The following DIP2A variants were observed in gnomAD, a reference collection of about 807,000 sequenced individuals.
The protein encoded by DIP2A is disco-interacting protein 2 homolog A.
A neutral mutation model predicts 177.4 loss-of-function variants in DIP2A; 85 were observed. That is an observed-to-expected ratio of 0.48 (90% CI 0.40 to 0.57). The LOEUF (loss-of-function observed/expected upper bound fraction) is 0.57, where lower values mean the gene tolerates loss of function less well. Ranked by LOEUF, DIP2A falls within the 20% of genes least tolerant of loss-of-function variation. The pLI is 0.00. For missense variants in DIP2A, 1,791 were observed against 2,100.2 expected, an observed-to-expected ratio of 0.85 and a Z score of 2.88; for synonymous variants, 886 against 881.8, an observed-to-expected ratio of 1.00 and a Z score of -0.08.
At chr21:46,560,953 G>C (rs1383181842) in intron 33 of DIP2A, 170 bp downstream of exon 33, 41 of 985,234 alleles carry the variant, frequency 4.2e-5, no homozygotes, top group Non-Finnish European at 4.7e-5. Context: ...TGGCTACATT[G>C]GGCCATCTGC....
rs756599735 is a variant in DIP2A, at chr21:46,498,830, A to G, written c.652A>G (p.Ile218Val). The change falls in exon 5 of 38, where the codon ATA becomes GTA. Residue 218 changes from isoleucine to valine, a missense_variant. Coordinates refer to ENST00000417564, the MANE Select transcript of DIP2A (RefSeq NM_015151.4). This position sits in a 1 kb window ranked among gnomAD's most constrained non-coding sequence, Gnocchi z 4.3. ...CGCAGGCCTCGAGGCCCACACCCAC[A>G]TAGGTCAGTAATAAGCTGCTGCGGC... Reference protein sequence around the residue: ...ALAGLEAHTHIDLHSAPPDVT... With the variant: ...ALAGLEAHTHVDLHSAPPDVT... 5.6e-6 allele frequency: 9 copies of G among 1,612,356 alleles called. No homozygotes were observed. Among genetic ancestry groups the G allele is most frequent in the African/African-American group, 2.7e-5 (2 of 74,892 alleles).
chr21:46,565,186 C>T (rs773768353), intron 35 of DIP2A, among the ~76,000 whole-genome samples: 2 of 149,450 alleles, frequency 1.3e-5, no homozygotes, highest in Non-Finnish European at 3.0e-5. Flanking sequence ...TGAGGGTGCA[C>T]ACAAACACGT....
At chr21:46,550,516 G>A in intron 22 of DIP2A, 27 bp from the exon 23 acceptor site, 1 of 1,599,764 alleles carries the variant, frequency 6.3e-7, no homozygotes, top group Non-Finnish European at 8.5e-7. Flanking sequence ...TTGGGGGCCT[G>A]TGCCAAACAG....
rs1217679892 is a variant in DIP2A, at chr21:46,557,001, C to T, written c.3561C>T (p.Pro1187=). The change falls in exon 30 of 38, where the codon CCC becomes CCT. Residue 1187 remains proline, a synonymous_variant. Coordinates refer to ENST00000417564, the MANE Select transcript of DIP2A (RefSeq NM_015151.4). This position sits in a 1 kb window ranked among gnomAD's most constrained non-coding sequence, Gnocchi z 6.0. ...RSIKLQCELY[P]SRQIAICLDP... is the part of the protein sequence containing the mutation. ...TAAAGCTGCAGTGTGAGCTGTACCC[C>T]TCGCGGCAGATCGCCATCTGCCTCG... 1.2e-6 allele frequency: 2 copies of T among 1,601,566 alleles called. No individual in the cohort carries two copies. The highest frequency in any genetic ancestry group is 8.5e-7 in the Non-Finnish European group (1 of 1,173,998).
chr21:46,475,386 A>G (rs1229299184), intron 1 of DIP2A, among the ~76,000 whole-genome samples: 1 of 152,236 alleles, frequency 6.6e-6, no homozygotes, highest in African/African-American at 2.4e-5. Flanking sequence ...TGACATTGTT[A>G]TCTACCTGTA....
At chr21:46,546,893 T>TGACGCACACCC (rs1284655097) in intron 20 of DIP2A, 22 bp from the exon 21 acceptor site, 1 of 1,612,894 alleles carries the variant, frequency 6.2e-7, no homozygotes, top group East Asian at 2.2e-5. Flanking sequence ...GGTGGAGTCT[T>TGACGCACACCC]GACGCACACC....
chr21:46,474,557 T>G lies in DIP2A; in HGVS notation c.92-10200T>G, dbSNP rs546953134. Among the ~76,000 whole-genome samples, 3 of 152,272 alleles carry G rather than the reference T, an allele frequency of 2.0e-5. No individual in the cohort carries two copies. In the South Asian group the frequency reaches 6.2e-4, roughly 32 times the overall value. On this transcript the variant is annotated intron_variant, in intron 1 of 37. Coordinates refer to ENST00000417564, the MANE Select transcript of DIP2A (RefSeq NM_015151.4). ...AAATGTGTGTGGAGGATTTTCTGGG[T>G]CAGTATTCATGACCAATCATCAGGC...
chr21:46,497,151 C>T (rs781230100), intron 4 of DIP2A, 44 bp downstream of exon 4: 1 of 1,596,254 alleles, frequency 6.3e-7, no homozygotes, highest in East Asian at 2.2e-5. Flanking sequence ...TTGAGTGTTT[C>T]ACAGGCCTGA....
chr21:46,534,501 T>G, intron 12 of DIP2A, 84 bp from the exon 13 acceptor site: 1 of 1,332,258 alleles, frequency 7.5e-7, no homozygotes. Context: ...CCACTTCTTC[T>G]TTTGAAGATT....
intron 1 of DIP2A, chr21:46,469,382 G>C (rs2055152577): frequency 6.6e-6 from 1 of 152,242 alleles, no homozygotes; most frequent in Admixed American, 6.5e-5. Flanking sequence ...GGGAGCTGTT[G>C]AATCAGAGTG....
At chr21:46,528,000 A>T (rs914754318) in intron 8 of DIP2A, among the ~76,000 whole-genome samples, 1 of 152,042 alleles carries the variant, frequency 6.6e-6, no homozygotes, top group African/African-American at 2.4e-5. Context: ...TTGAGTGCTT[A>T]TGAGCATAGC....
chr21:46,555,905 C>T (rs2060451796), intron 28 of DIP2A, 77 bp from the exon 29 acceptor site: 2 of 1,096,228 alleles, frequency 1.8e-6, no homozygotes, highest in Middle Eastern at 2.0e-4. Flanking sequence ...TCATGTGTCG[C>T]CTCTTGCCTG....
In DIP2A at chr21:46,556,342, T is replaced by A. The variant is rs1301129500; in HGVS notation, c.3498+251T>A. On this transcript the variant is annotated intron_variant, in intron 29 of 37. Transcript: ENST00000417564. The surrounding 1 kb of genome is among the most constrained non-coding windows in gnomAD (Gnocchi z 4.5). The stretch of plus-strand genomic sequence containing the variant: ...TTATGACTGTCTAGCTTACAGGAAC[T>A]GGTGGCTTTGAAGAATCTCTTACCT... 6.9e-7 allele frequency: 1 copy of A among 1,445,992 alleles called. No individual in the cohort carries two copies. The highest frequency in any genetic ancestry group is 9.3e-7 in the Non-Finnish European group (1 of 1,080,894). The allele number at this position is 1,445,992 out of a possible 1,614,324, so 89.6% of individuals were successfully genotyped here.
chr21:46,518,602 C>T (rs940839920), intron 8 of DIP2A, among the ~76,000 whole-genome samples: 5 of 152,106 alleles, frequency 3.3e-5, no homozygotes, highest in African/African-American at 7.2e-5. Flanking sequence ...TACATCTATA[C>T]TCCCAGCACT....
intron 8 of DIP2A, among the ~76,000 whole-genome samples, chr21:46,521,517 T>C (rs1281970770): frequency 2.0e-5 from 3 of 152,324 alleles, no homozygotes; most frequent in South Asian, 2.1e-4. Flanking sequence ...AATATAAAAA[T>C]CCTGCTCAAG....
rs2059486285 is a variant in DIP2A, at chr21:46,534,570, C to T, written c.1540-15C>T. The T allele has an allele frequency of 6.2e-7, 1 of 1,608,594 alleles. No homozygotes were observed. Among genetic ancestry groups the T allele is most frequent in the Non-Finnish European group, 8.5e-7 (1 of 1,176,948 alleles). ...AGAAATACCACATCATGTTTTTTTCCTTGAAATCTTTCAGTATAAAACCAG... is the reference window on the plus strand; with the variant it reads ...AGAAATACCACATCATGTTTTTTTCTTTGAAATCTTTCAGTATAAAACCAG... On this transcript the variant is annotated splice_polypyrimidine_tract_variant and intron_variant, in intron 12 of 37. Coordinates refer to ENST00000417564, the MANE Select transcript of DIP2A (RefSeq NM_015151.4).
At chr21:46,461,271 C>CAAAAAAAAAAAAAAA (rs60346777) in intron 1 of DIP2A, among the ~76,000 whole-genome samples, 2,807 of 49,178 alleles carry the variant, frequency 0.057, 512 homozygotes, top group East Asian at 0.087. Context: ...CTCTTCTCAC[C>CAAAAAAAAAAAAAAA]AAAAAAAAAA....
At chr21:46,564,685 A>G (rs889861659) in intron 35 of DIP2A, among the ~76,000 whole-genome samples, 4 of 152,196 alleles carry the variant, frequency 2.6e-5, no homozygotes, top group Admixed American at 2.6e-4. Flanking sequence ...TCTGCTGTGA[A>G]GCCAGACTGG....
chr21:46,495,227 CTCTTCTCTTCTCTTCTT>C (rs2057258982), intron 3 of DIP2A, among the ~76,000 whole-genome samples: 3 of 79,626 alleles, frequency 3.8e-5, no homozygotes, highest in African/African-American at 1.8e-4. Context: ...CTCTTCTCTT[CTCTTCTCTTCTCTTCTT>C]TCTCTCTCTC....
Sources: allele counts gnomAD v4.1 joint callset (sites outside exome capture counted in the v4.1 genomes callset), GRCh38; gene constraint gnomAD v4.1.1; non-coding constraint Gnocchi (gnomAD v3.1); transcripts MANE v1.5; gene names NCBI Gene and HGNC (gene_info 2026-07-23, HGNC 2026-07-21).